NBEA: variants seen among roughly 807,000 people sequenced by gnomAD.
NBEA encodes the protein lysosomal-trafficking regulator 2.
A neutral mutation model predicts 343.4 loss-of-function variants in NBEA; 44 were observed. The ratio of observed to expected loss-of-function variants is 0.13; its 90% CI spans 0.10 to 0.16. The LOEUF (loss-of-function observed/expected upper bound fraction) is 0.16. Among genes scored for constraint, NBEA ranks in the 10% least tolerant of loss-of-function variants. NBEA has a pLI of 1.00. For missense variants in NBEA, 2,555 were observed against 3,631.3 expected, an observed-to-expected ratio of 0.70 and a Z score of 7.62; for synonymous variants, 1,175 against 1,238.7, an observed-to-expected ratio of 0.95 and a Z score of 1.08.
intron 40 of NBEA, among the ~76,000 whole-genome samples, chr13:35,464,395 G>A (rs903968340): frequency 2.0e-5 from 3 of 152,136 alleles, no homozygotes; most frequent in Non-Finnish European, 2.9e-5. Context: ...CAATGCTCTC[G>A]AAGACCACAA....
rs556240923 is a variant in NBEA at position 35,189,720 on chromosome 13, C to T, written c.4927+5649C>T. On this transcript the variant is annotated intron_variant, in intron 30 of 58. Transcript: ENST00000379939. Reference sequence around the variant, plus strand: ...AACTTCGGGAAGAGCAAAGTAAGAACCTCCAAAATACTGCTTTTCTAAAAG... The same window carrying T: ...AACTTCGGGAAGAGCAAAGTAAGAATCTCCAAAATACTGCTTTTCTAAAAG... Among the ~76,000 whole-genome samples, 6 of 151,930 alleles carry T rather than the reference C, an allele frequency of 3.9e-5. No homozygotes were observed. The South Asian group carries it at 1.2e-3, about 32-fold the overall frequency.
At chr13:35,483,099 A>G (rs553370253) in intron 41 of NBEA, among the ~76,000 whole-genome samples, 4 of 152,080 alleles carry the variant, frequency 2.6e-5, no homozygotes, top group African/African-American at 9.6e-5. Context: ...ATATATAAGC[A>G]ATATGTTTAT....
At chr13:35,006,587 G>A (rs1407773628) in intron 1 of NBEA, among the ~76,000 whole-genome samples, 4 of 151,904 alleles carry the variant, frequency 2.6e-5, no homozygotes, top group Admixed American at 6.6e-5. Flanking sequence ...TTCCATCTGG[G>A]CTCATTTACT....
At chr13:35,143,256 A>G (rs1593491207) in intron 18 of NBEA, among the ~76,000 whole-genome samples, 1 of 152,222 alleles carries the variant, frequency 6.6e-6, no homozygotes, top group African/African-American at 2.4e-5. Flanking sequence ...CCGCAGAGTT[A>G]AAGAGTTGTA....
chr13:34,962,651 A>G (rs1371244822), intron 1 of NBEA, among the ~76,000 whole-genome samples: 2 of 152,074 alleles, frequency 1.3e-5, no homozygotes, highest in Non-Finnish European at 2.9e-5. Flanking sequence ...ATTATTTGCT[A>G]TATTGTGTTT....
At chr13:35,354,520 A>G (rs2040385911) in intron 38 of NBEA, among the ~76,000 whole-genome samples, 1 of 152,160 alleles carries the variant, frequency 6.6e-6, no homozygotes, top group African/African-American at 2.4e-5. Flanking sequence ...ACATCTCATT[A>G]GACTGACAGA....
At chr13:35,413,837 G>A (rs1001947769) in intron 38 of NBEA, among the ~76,000 whole-genome samples, 2 of 151,906 alleles carry the variant, frequency 1.3e-5, no homozygotes, top group Non-Finnish European at 2.9e-5. Context: ...AGTCATTAAT[G>A]GCACAAAGAT....
intron 41 of NBEA, among the ~76,000 whole-genome samples, chr13:35,517,307 G>A (rs998137445): frequency 2.0e-5 from 3 of 151,996 alleles, no homozygotes; most frequent in African/African-American, 4.8e-5. Flanking sequence ...ATTCCTTTTC[G>A]TGCTTTAAAC....
chr13:35,278,093 AT>A (rs2034759934), intron 34 of NBEA, among the ~76,000 whole-genome samples: 1 of 147,348 alleles, frequency 6.8e-6, no homozygotes, highest in South Asian at 2.1e-4. Context: ...ATCTCAAAAA[AT>A]ATATATATAT....
chr13:35,224,622 C>T (rs1447077405), intron 33 of NBEA, among the ~76,000 whole-genome samples: 1 of 151,998 alleles, frequency 6.6e-6, no homozygotes, highest in African/African-American at 2.4e-5. Flanking sequence ...CAGTTTCTTA[C>T]TTTTGCTGAA....
At chr13:35,467,514 A>G (rs1037373356) in intron 40 of NBEA, among the ~76,000 whole-genome samples, 8 of 151,996 alleles carry the variant, frequency 5.3e-5, no homozygotes, top group South Asian at 2.1e-4. Flanking sequence ...TATTTTAGAT[A>G]TGTTCAGTCA....
intron 34 of NBEA, among the ~76,000 whole-genome samples, chr13:35,264,175 A>G (rs1408274682): frequency 6.6e-5 from 10 of 151,990 alleles, no homozygotes; most frequent in African/African-American, 2.4e-4. Flanking sequence ...GAAAAAAAAA[A>G]TCTAGATACA....
intron 40 of NBEA, among the ~76,000 whole-genome samples, chr13:35,457,664 A>G (rs1404597217): frequency 6.6e-6 from 1 of 152,092 alleles, no homozygotes; most frequent in African/African-American, 2.4e-5. Flanking sequence ...GCTGGACTGC[A>G]GTGGCGAGAT....
chr13:34,959,956 AC>A (rs1170318245), intron 1 of NBEA, among the ~76,000 whole-genome samples: 1 of 152,150 alleles, frequency 6.6e-6, no homozygotes, highest in African/African-American at 2.4e-5. Flanking sequence ...TATTTGCTAT[AC>A]TGTACTTTTT....
intron 30 of NBEA, among the ~76,000 whole-genome samples, chr13:35,188,792 T>G (rs1463847405): frequency 6.6e-6 from 1 of 152,122 alleles, no homozygotes; most frequent in East Asian, 1.9e-4. Flanking sequence ...TTTAATTGTT[T>G]GAAGAATCTC....
chr13:35,192,333 G>A (rs1222438761), intron 30 of NBEA, among the ~76,000 whole-genome samples: 1 of 151,936 alleles, frequency 6.6e-6, no homozygotes, highest in African/African-American at 2.4e-5. Context: ...AGATGTAAAT[G>A]CATACTGAGA....
In NBEA at chr13:35,512,635, C is replaced by G. The variant is rs2077319354; in HGVS notation, c.6586-37842C>G. The stretch of plus-strand genomic sequence containing the variant: ...CTGAGTCTTATCTTGGCTCCCTGGC[C>G]TCTCAGTACATTGTGATATTTCAGC... On this transcript the variant is annotated intron_variant, in intron 41 of 58. Coordinates refer to ENST00000379939, the MANE Select transcript of NBEA (RefSeq NM_001385012.1). Among the ~76,000 whole-genome samples the G allele has an allele frequency of 1.3e-5, 2 of 152,186 alleles. 1 individual carries two copies. The highest frequency in any genetic ancestry group is 1.3e-4 in the Admixed American group (2 of 15,290).
chr13:35,084,785 A>T (rs944570397), intron 10 of NBEA, among the ~76,000 whole-genome samples: 1 of 152,132 alleles, frequency 6.6e-6, no homozygotes, highest in Admixed American at 6.6e-5. Flanking sequence ...AAAATCAATG[A>T]ATCCAGGAGC....
In NBEA at chr13:35,550,941, T is replaced by A. The variant is rs375875207; in HGVS notation, c.6715T>A (p.Phe2239Ile). Residue 2239 changes from phenylalanine (F) to isoleucine (I), a missense_variant, in exon 43 of 59, where the codon TTT becomes ATT. This residue lies in a region of NBEA where 246 missense variants were observed against 313.7 expected (regional missense o/e 0.78). Transcript: ENST00000379939. ...TCTTCTTACCACAGCCTCAGTTATG[T>A]TTAATTTCCCTGATCAAGCAACAGT... ...VFMANRTSVM[F>I]NFPDQATVKK... is the part of the protein sequence containing the mutation. The A allele has an allele frequency of 6.2e-7, 1 of 1,604,532 alleles. No individual in the cohort carries two copies. Among genetic ancestry groups the A allele is most frequent in the Non-Finnish European group, 8.5e-7 (1 of 1,172,602 alleles).
Sources: allele counts gnomAD v4.1 joint callset (sites outside exome capture counted in the v4.1 genomes callset), GRCh38; gene constraint gnomAD v4.1.1; regional missense constraint gnomAD v4.1.1; transcripts MANE v1.5; gene names NCBI Gene and HGNC (gene_info 2026-07-23, HGNC 2026-07-21).